CAB39: variants seen among roughly 807,000 people sequenced by gnomAD.
The protein encoded by CAB39 is calcium-binding protein 39.
In CAB39, 8 loss-of-function variants were observed where a neutral mutation model predicts 40.0. That is an observed-to-expected ratio of 0.20 (90% confidence interval 0.12 to 0.36). The LOEUF (loss-of-function observed/expected upper bound fraction) is 0.36. CAB39 is among the 10% of genes least tolerant of loss of function. The probability of loss-of-function intolerance (pLI) is 1.00; values close to 1 mark genes in which losing one functional copy is unlikely to be tolerated. For missense variants in CAB39, 270 were observed against 401.1 expected (o/e 0.67, Z 2.79); for synonymous variants, 156 against 141.6 (o/e 1.10, Z -0.72).
rs74770314 is a variant in CAB39, at chr2:230,729,743, G to GA, written c.-44+16528dup. Among the ~76,000 whole-genome samples the GA allele has an allele frequency of 5.5e-3, 697 of 125,982 alleles. 1 individual carries two copies. Among genetic ancestry groups the GA allele is most frequent in the Admixed American group, 0.01 (126 of 12,572 alleles). 82.6% of individuals were successfully genotyped at this position (125,982 alleles called of 152,430 possible). The stretch of plus-strand genomic sequence containing the variant: ...ACAACAAGAATGAAACTGTCTTAAG[G>GA]AAAAAAAAAAAAAAAGTTTAGTAAG... On this transcript the variant is annotated intron_variant, in intron 1 of 8. Coordinates refer to ENST00000258418, the MANE Select transcript of CAB39 (RefSeq NM_016289.4).
At chr2:230,763,145 A>G (rs1695324726) in intron 2 of CAB39, among the ~76,000 whole-genome samples, 1 of 152,226 alleles carries the variant, frequency 6.6e-6, no homozygotes, top group Non-Finnish European at 1.5e-5. Context: ...AAATAACCAT[A>G]TTGTCCAAAA....
Position 230,819,012 on chromosome 2 carries a change from A to G in CAB39, c.*308A>G. ...TATGGATGAGAGTGTGGTTTAGGAA[A>G]GAGGGCACTGATATCAGATTAGACC... On this transcript the variant is annotated 3_prime_UTR_variant, in exon 9 of 9. Coordinates refer to ENST00000258418, the MANE Select transcript of CAB39 (RefSeq NM_016289.4). 3.7e-6 allele frequency: 1 copy of G among 270,904 alleles called. No homozygotes were observed. Among genetic ancestry groups the G allele is most frequent in the East Asian group, 9.9e-5 (1 of 10,104 alleles). The allele number at this position is 270,904 out of a possible 1,614,324, so 16.8% of individuals were successfully genotyped here.
intron 1 of CAB39, among the ~76,000 whole-genome samples, chr2:230,757,713 C>A (rs1292625445): frequency 6.6e-6 from 1 of 152,134 alleles, no homozygotes; most frequent in Non-Finnish European, 1.5e-5. Flanking sequence ...CACATCACTG[C>A]TATTATTTGC....
chr2:230,752,879 G>A (rs1286673175), intron 1 of CAB39, among the ~76,000 whole-genome samples: 9 of 152,208 alleles, frequency 5.9e-5, no homozygotes, highest in Non-Finnish European at 1.2e-4. Context: ...ACTGGGAAGG[G>A]GAACATTGAA....
chr2:230,799,297 C>G (rs1417402680), intron 5 of CAB39, among the ~76,000 whole-genome samples: 1 of 152,180 alleles, frequency 6.6e-6, no homozygotes, highest in East Asian at 1.9e-4. Context: ...ATATACACTT[C>G]ATGAAATATT....
chr2:230,803,380 A>C (rs1013515115), intron 5 of CAB39, among the ~76,000 whole-genome samples: 1 of 152,224 alleles, frequency 6.6e-6, no homozygotes, highest in Admixed American at 6.5e-5. Context: ...ACTCCTATTC[A>C]ACATAGTGTT....
intron 5 of CAB39, among the ~76,000 whole-genome samples, chr2:230,805,047 C>G (rs1696165742): frequency 6.6e-6 from 1 of 150,940 alleles, no homozygotes. Context: ...CACATATACA[C>G]CATGGAATAC....
intron 1 of CAB39, among the ~76,000 whole-genome samples, chr2:230,727,241 A>T (rs976258049): frequency 6.7e-6 from 1 of 149,272 alleles, no homozygotes; most frequent in Non-Finnish European, 1.5e-5. Flanking sequence ...TTAAATATAT[A>T]TAAATTGGAA....
chr2:230,785,066 C>T (rs957477284), intron 2 of CAB39, among the ~76,000 whole-genome samples: 1 of 152,156 alleles, frequency 6.6e-6, no homozygotes, highest in African/African-American at 2.4e-5. Flanking sequence ...CTCCGGTGTG[C>T]CTAATTCTGT....
rs192600831 is a variant in CAB39, at chr2:230,818,342, A to C, written c.838-174A>C. Among the ~76,000 whole-genome samples, 393 of 152,294 alleles carry C rather than the reference A, an allele frequency of 2.6e-3. 1 individual carries two copies. The highest frequency in any genetic ancestry group is 9.2e-3 in the African/African-American group (384 of 41,568). ...CGTATTTGTGTTAAAACATGTAATTATTATTTTTTTTTCCAAATTGTAAAA... is the reference window on the plus strand; with the variant it reads ...CGTATTTGTGTTAAAACATGTAATTCTTATTTTTTTTTCCAAATTGTAAAA... On this transcript the variant is annotated intron_variant, in intron 8 of 8. Transcript: ENST00000258418.
At chr2:230,817,240 T>C (rs551760998) in intron 7 of CAB39, among the ~76,000 whole-genome samples, 1 of 152,222 alleles carries the variant, frequency 6.6e-6, no homozygotes, top group African/African-American at 2.4e-5. Flanking sequence ...CCTTTCTGAA[T>C]TAGCTGTGAT....
rs189468422 is a variant in CAB39, at chr2:230,813,320, C to T, written c.628-729C>T. 1.2e-3 allele frequency among the ~76,000 whole-genome samples: 178 copies of T among 152,248 alleles called. 1 individual carries two copies. Among genetic ancestry groups the T allele is most frequent in the African/African-American group, 3.5e-3 (144 of 41,546 alleles). On this transcript the variant is annotated intron_variant, in intron 6 of 8. Transcript: ENST00000258418. ...CAGCAGTGCCACTCTTGTCAGTGAC[C>T]GCTGTTTTGAAGGTCTAGTGGACCT... is the stretch of plus-strand genomic sequence containing the variant.
intron 1 of CAB39, among the ~76,000 whole-genome samples, chr2:230,733,267 A>C (rs1418055590): frequency 1.3e-5 from 2 of 152,036 alleles, no homozygotes; most frequent in African/African-American, 2.4e-5. Flanking sequence ...TTGTCATCTG[A>C]CCATTCAGCA....
intron 5 of CAB39, among the ~76,000 whole-genome samples, chr2:230,803,675 C>T (rs1048104808): frequency 6.6e-5 from 10 of 152,088 alleles, no homozygotes; most frequent in Non-Finnish European, 1.5e-4. Context: ...GAATAAAATA[C>T]CTAGGAGTGC....
chr2:230,772,206 C>A (rs1409343868), intron 2 of CAB39, among the ~76,000 whole-genome samples: 1 of 152,128 alleles, frequency 6.6e-6, no homozygotes, highest in African/African-American at 2.4e-5. Flanking sequence ...ATAAAGAATT[C>A]TCAGAATTTA....
intron 1 of CAB39, among the ~76,000 whole-genome samples, chr2:230,747,206 C>T (rs1039793420): frequency 6.6e-6 from 1 of 152,132 alleles, no homozygotes; most frequent in Non-Finnish European, 1.5e-5. Context: ...GCCTGGGCAA[C>T]AGAGTGAGAC....
intron 2 of CAB39, among the ~76,000 whole-genome samples, chr2:230,774,513 A>C (rs1575937261): frequency 2.0e-5 from 3 of 152,176 alleles, no homozygotes; most frequent in African/African-American, 7.2e-5. Flanking sequence ...GCCAACAACC[A>C]AACAGATGTG....
intron 5 of CAB39, among the ~76,000 whole-genome samples, chr2:230,800,329 A>G (rs946001843): frequency 1.3e-5 from 2 of 152,218 alleles, no homozygotes; most frequent in Admixed American, 6.5e-5. Context: ...TTATTGAATG[A>G]GAATCAGGTC....
chr2:230,818,008 A>T, intron 8 of CAB39, 111 bp downstream of exon 8: 3 of 940,748 alleles, frequency 3.2e-6, no homozygotes, highest in Non-Finnish European at 3.3e-6. Context: ...TGACTTAATT[A>T]AATTCAGTCA....
Sources: allele counts gnomAD v4.1 joint callset (sites outside exome capture counted in the v4.1 genomes callset), GRCh38; gene constraint gnomAD v4.1.1; transcripts MANE v1.5; gene names NCBI Gene and HGNC (gene_info 2026-07-23, HGNC 2026-07-21).